The following RASA1 variants were observed in gnomAD, a reference collection of about 807,000 sequenced individuals.
RASA1 encodes the protein ras GTPase-activating protein 1.
Under a neutral mutation model 132.2 loss-of-function variants are expected in RASA1, and 25 were observed. The observed-to-expected ratio is 0.19, with a 90% confidence interval of 0.14 to 0.26. RASA1 has a LOEUF of 0.26. Ranked by LOEUF, RASA1 falls within the 10% of genes least tolerant of loss-of-function variation. The pLI is 1.00. For missense variants in RASA1, 964 were observed against 1,299.2 expected, an observed-to-expected ratio of 0.74 and a Z score of 3.97; for synonymous variants, 477 against 449.9, an observed-to-expected ratio of 1.06 and a Z score of -0.76.
At chr5:87,281,657 T>A (rs933655604) in intron 1 of RASA1, among the ~76,000 whole-genome samples, 1 of 152,118 alleles carries the variant, frequency 6.6e-6, no homozygotes, top group Non-Finnish European at 1.5e-5. Context: ...CTCGGCTCAC[T>A]GCAACCTCCG....
At chr5:87,351,344 T>A (rs1304288278) in intron 8 of RASA1, among the ~76,000 whole-genome samples, 1 of 151,688 alleles carries the variant, frequency 6.6e-6, no homozygotes, top group South Asian at 2.1e-4. Context: ...GAAAAGAAAG[T>A]ATGGTATGCA....
chr5:87,271,316 A>G (rs981629281), intron 1 of RASA1, among the ~76,000 whole-genome samples: 1 of 152,086 alleles, frequency 6.6e-6, no homozygotes, highest in Non-Finnish European at 1.5e-5. Flanking sequence ...TTAAATGCTA[A>G]TAGCATGCTT....
chr5:87,331,343 C>T lies in RASA1; in HGVS notation c.540-5C>T. On this transcript the variant is annotated splice_polypyrimidine_tract_variant and splice_region_variant and intron_variant, in intron 1 of 24. Transcript: ENST00000274376. ...ATTGTAATATCTTCTCTGTTTTTCCCCTAGGTGGTATCACGGAAAACTTGA... is the reference window on the plus strand; with the variant it reads ...ATTGTAATATCTTCTCTGTTTTTCCTCTAGGTGGTATCACGGAAAACTTGA... 6 of 1,598,734 alleles carry T rather than the reference C, an allele frequency of 3.8e-6. No homozygotes were observed. Among genetic ancestry groups the T allele is most frequent in the Non-Finnish European group, 4.3e-6 (5 of 1,166,274 alleles).
chr5:87,320,501 G>C (rs1756707867), intron 1 of RASA1, among the ~76,000 whole-genome samples: 2 of 152,200 alleles, frequency 1.3e-5, no homozygotes, highest in African/African-American at 4.8e-5. Context: ...AATCATGGCA[G>C]AAGGCAAAGG....
At chr5:87,351,035 C>A (rs987630604) in intron 8 of RASA1, among the ~76,000 whole-genome samples, 2 of 151,442 alleles carry the variant, frequency 1.3e-5, no homozygotes, top group Admixed American at 1.3e-4. Flanking sequence ...AAAGATTTTT[C>A]AATAAATCTG....
intron 20 of RASA1, among the ~76,000 whole-genome samples, chr5:87,381,545 TG>T (rs1426393900): frequency 1.3e-5 from 2 of 152,254 alleles, no homozygotes; most frequent in East Asian, 3.8e-4. Flanking sequence ...GTGTTAATCC[TG>T]CCTCCAACCT....
At chr5:87,370,282 A>G (rs1432666799) in intron 12 of RASA1, among the ~76,000 whole-genome samples, 1 of 152,178 alleles carries the variant, frequency 6.6e-6, no homozygotes, top group Non-Finnish European at 1.5e-5. Flanking sequence ...GTTGAACTCC[A>G]TGTCTGAAAA....
intron 1 of RASA1, among the ~76,000 whole-genome samples, chr5:87,288,763 T>A (rs1217952460): frequency 6.6e-6 from 1 of 152,170 alleles, no homozygotes; most frequent in East Asian, 1.9e-4. Context: ...TTGGAAAATT[T>A]GAAATTTGCA....
chr5:87,387,599 G>A (rs562319274), intron 23 of RASA1, among the ~76,000 whole-genome samples: 2 of 152,192 alleles, frequency 1.3e-5, no homozygotes, highest in African/African-American at 4.8e-5. Context: ...CCAGGTGTAA[G>A]GCATGGCATT....
chr5:87,282,249 G>T (rs1754351007), intron 1 of RASA1, among the ~76,000 whole-genome samples: 1 of 151,944 alleles, frequency 6.6e-6, no homozygotes, highest in African/African-American at 2.4e-5. Context: ...TTAAAGGTAT[G>T]TCTGCTAGTA....
intron 1 of RASA1, among the ~76,000 whole-genome samples, chr5:87,329,435 C>A (rs1295419982): frequency 2.6e-5 from 4 of 151,922 alleles, no homozygotes; most frequent in Non-Finnish European, 4.4e-5. Flanking sequence ...GAGTGAGACT[C>A]CCGTCTTAAA....
chr5:87,288,214 T>C (rs1234487823), intron 1 of RASA1, among the ~76,000 whole-genome samples: 1 of 150,222 alleles, frequency 6.7e-6, no homozygotes, highest in Admixed American at 6.6e-5. Context: ...AGAAGCAATT[T>C]TATGCCTCTC....
chr5:87,333,083 A>G (rs1454531535), intron 3 of RASA1, among the ~76,000 whole-genome samples, 184 bp from the exon 4 acceptor site: 1 of 152,136 alleles, frequency 6.6e-6, no homozygotes, highest in Admixed American at 6.5e-5. Flanking sequence ...TGATTTTCAT[A>G]AAAACAGGAA....
chr5:87,310,808 C>G (rs1755844716), intron 1 of RASA1, among the ~76,000 whole-genome samples: 1 of 152,104 alleles, frequency 6.6e-6, no homozygotes, highest in Non-Finnish European at 1.5e-5. Context: ...AAAGCAAAAA[C>G]TTCTGATGCC....
At chr5:87,376,846 C>T (rs207466197) in intron 16 of RASA1, 35 bp from the exon 17 acceptor site, 6 of 1,547,518 alleles carry the variant, frequency 3.9e-6, no homozygotes, top group Admixed American at 3.3e-5. Context: ...TATAATGCTA[C>T]GTACTTTAAA....
chr5:87,287,200 C>T lies in RASA1; in HGVS notation c.539+18210C>T, dbSNP rs189653284. 1.4e-3 allele frequency among the ~76,000 whole-genome samples: 204 copies of T among 144,278 alleles called. 1 individual carries two copies. The highest frequency in any genetic ancestry group is 6.1e-3 in the Middle Eastern group (1 of 164). The allele number at this position is 144,278 out of a possible 152,430, so 94.7% of individuals were successfully genotyped here. A position where few individuals can be genotyped will look rare whatever the true frequency, so the allele number is the denominator to read the frequency against. Reference sequence around the variant, plus strand: ...CATATATATATACACACCGTATATACACACCATATATATACACACCGTATA... The same window carrying T: ...CATATATATATACACACCGTATATATACACCATATATATACACACCGTATA... On this transcript the variant is annotated intron_variant, in intron 1 of 24. Transcript: ENST00000274376.
intron 1 of RASA1, among the ~76,000 whole-genome samples, chr5:87,324,733 T>G (rs1454146140): frequency 6.6e-6 from 1 of 152,146 alleles, no homozygotes; most frequent in African/African-American, 2.4e-5. Context: ...AAACACGCCC[T>G]CTTCTCCCCT....
At chr5:87,367,870 G>A (rs1314213424) in intron 11 of RASA1, among the ~76,000 whole-genome samples, 1 of 151,856 alleles carries the variant, frequency 6.6e-6, no homozygotes, top group Non-Finnish European at 1.5e-5. Flanking sequence ...ATGTATCTTT[G>A]TCTTTTCTCT....
chr5:87,374,228 A>C lies in RASA1; in HGVS notation c.1842A>C (p.Pro614=). Residue 614 remains proline (P), a synonymous_variant, in exon 14 of 25, where the codon CCA becomes CCC. Transcript: ENST00000274376. ...TCCCAGTAAAACATTTTACTAATCC[A>C]TATTGTAACATCTACCTGAATAGTG... is the stretch of plus-strand genomic sequence containing the variant. ...HKLPVKHFTN[P]YCNIYLNSVQ... The C allele has an allele frequency of 6.3e-7, 1 of 1,596,498 alleles. No homozygotes were observed. The highest frequency in any genetic ancestry group is 1.1e-5 in the South Asian group (1 of 89,266).
Sources: allele counts gnomAD v4.1 joint callset (sites outside exome capture counted in the v4.1 genomes callset), GRCh38; gene constraint gnomAD v4.1.1; transcripts MANE v1.5; gene names NCBI Gene and HGNC (gene_info 2026-07-23, HGNC 2026-07-21).